The following ELMO1 variants were observed in gnomAD, a reference collection of about 807,000 sequenced individuals.
The protein encoded by ELMO1 is engulfment and cell motility 1, also known as engulfment and cell motility protein 1.
Under a neutral mutation model 98.9 loss-of-function variants are expected in ELMO1, and 26 were observed. That is an observed-to-expected ratio of 0.26 (90% CI 0.19 to 0.36). The LOEUF (loss-of-function observed/expected upper bound fraction) is 0.36, where lower values mean the gene tolerates loss of function less well. ELMO1 is among the 10% of genes least tolerant of loss of function. ELMO1 has a pLI of 1.00. For missense variants in ELMO1, 627 were observed against 935.2 expected (o/e 0.67, Z 4.30); for synonymous variants, 346 against 346.0 (o/e 1.00, Z 0.00).
chr7:36,875,912 G>A (rs907728805), intron 19 of ELMO1, among the ~76,000 whole-genome samples: 5 of 152,186 alleles, frequency 3.3e-5, no homozygotes, highest in Non-Finnish European at 5.9e-5. Flanking sequence ...TCTTTGGGTT[G>A]AGAAGTGATT....
chr7:37,170,908 A>G (rs868439142), intron 13 of ELMO1, among the ~76,000 whole-genome samples: 4 of 151,922 alleles, frequency 2.6e-5, no homozygotes, highest in Non-Finnish European at 4.4e-5. Context: ...GCCTGGCTGA[A>G]CTTTCATTTT....
chr7:37,413,110 G>A (rs955412463), intron 1 of ELMO1, among the ~76,000 whole-genome samples: 1 of 150,764 alleles, frequency 6.6e-6, no homozygotes. Context: ...TCACTAATAG[G>A]AGACATAACT....
intron 1 of ELMO1, among the ~76,000 whole-genome samples, chr7:37,345,712 G>A (rs1220083476): frequency 4.0e-5 from 6 of 150,662 alleles, no homozygotes; most frequent in African/African-American, 9.8e-5. Context: ...GTCTCAAGCC[G>A]GGTGTGGTGG....
intron 8 of ELMO1, among the ~76,000 whole-genome samples, chr7:37,227,784 C>T (rs972021219): frequency 5.3e-5 from 8 of 152,160 alleles, no homozygotes; most frequent in Admixed American, 5.2e-4. Context: ...TGGGCTTGCT[C>T]AATGGTGGTA....
chr7:37,400,585 C>T (rs1803484775), intron 1 of ELMO1, among the ~76,000 whole-genome samples: 1 of 152,148 alleles, frequency 6.6e-6, no homozygotes, highest in Admixed American at 6.5e-5. Context: ...TCTGAAAAGT[C>T]CACAAATTTC....
chr7:37,025,616 T>G (rs1361941882), intron 15 of ELMO1, among the ~76,000 whole-genome samples: 2 of 150,710 alleles, frequency 1.3e-5, no homozygotes, highest in African/African-American at 2.4e-5. Flanking sequence ...AGCTGGGACA[T>G]CTCGTCTCAT....
intron 15 of ELMO1, among the ~76,000 whole-genome samples, chr7:37,081,026 T>C (rs1339019249): frequency 6.6e-6 from 1 of 152,158 alleles, no homozygotes; most frequent in African/African-American, 2.4e-5. Flanking sequence ...ATGACATACT[T>C]CTTTATCTGT....
chr7:37,244,693 C>T (rs931401586), intron 6 of ELMO1, among the ~76,000 whole-genome samples: 9 of 152,022 alleles, frequency 5.9e-5, no homozygotes, highest in African/African-American at 1.9e-4. Context: ...TTCAATGGAG[C>T]GGGGTGGGGT....
intron 16 of ELMO1, among the ~76,000 whole-genome samples, chr7:36,996,557 G>A (rs569726380): frequency 6.6e-6 from 1 of 152,232 alleles, no homozygotes; most frequent in East Asian, 1.9e-4. Flanking sequence ...ATTGCCTCAA[G>A]GTAGCCATGA....
At chr7:36,953,562 A>G (rs1788175476) in intron 16 of ELMO1, among the ~76,000 whole-genome samples, 1 of 152,244 alleles carries the variant, frequency 6.6e-6, no homozygotes, top group Non-Finnish European at 1.5e-5. Context: ...CATGGTTGTA[A>G]TATAATATTG....
In ELMO1 at chr7:36,853,359, G is replaced by A. The variant is rs1801982032; in HGVS notation, c.*2192C>T. Among the ~76,000 whole-genome samples the A allele has an allele frequency of 6.6e-6, 1 of 152,302 alleles. No homozygotes were observed. The highest frequency in any genetic ancestry group is 1.5e-5 in the Non-Finnish European group (1 of 68,024). ...AGGACAGATACATTTCTTAAACCCA[G>A]TGTCTCAGGACCTCAGAGATCCTGG... is the stretch of plus-strand genomic sequence containing the variant. On this transcript the variant is annotated 3_prime_UTR_variant, in exon 22 of 22. Transcript: ENST00000310758.
At chr7:37,121,518 G>A (rs910959877) in intron 14 of ELMO1, among the ~76,000 whole-genome samples, 3 of 152,106 alleles carry the variant, frequency 2.0e-5, no homozygotes, top group Non-Finnish European at 4.4e-5. Context: ...TGGAAGAAAG[G>A]GTATCAGCGA....
intron 12 of ELMO1, among the ~76,000 whole-genome samples, chr7:37,211,722 G>A (rs1384023315): frequency 6.6e-6 from 1 of 152,186 alleles, no homozygotes; most frequent in Non-Finnish European, 1.5e-5. Context: ...GTCAGGCCTG[G>A]CTGTATTCCA....
rs367749425 is a variant in ELMO1 at position 36,861,663 on chromosome 7, T to C, written c.1979A>G (p.His660Arg). Reference sequence around the variant, plus strand: ...TATCACCCCCGAGACCCTTACCTCATGCTTGTCAGGAGCGATGAAGTTCAG... The same window carrying C: ...TATCACCCCCGAGACCCTTACCTCACGCTTGTCAGGAGCGATGAAGTTCAG... ...CQLNFIAPDKHEYCIWTDGLN... is the reference protein window; with the variant it reads ...CQLNFIAPDKREYCIWTDGLN... The change falls in exon 21 of 22, where the codon CAT becomes CGT. Residue 660 changes from histidine (H) to arginine (R), a missense_variant. Physicochemically the swap from His to Arg is conservative, Grantham distance 29 (BLOSUM62 0). Transcript: ENST00000310758. 8.1e-6 allele frequency: 13 copies of C among 1,612,554 alleles called. No homozygotes were observed. The highest frequency in any genetic ancestry group is 2.2e-5 in the South Asian group (2 of 91,012).
At chr7:36,977,565 T>G (rs1344509014) in intron 16 of ELMO1, among the ~76,000 whole-genome samples, 1 of 152,258 alleles carries the variant, frequency 6.6e-6, no homozygotes, top group Non-Finnish European at 1.5e-5. Context: ...AAATTCTTTC[T>G]CCTTAACGGT....
At chr7:37,360,433 A>T (rs1801658651) in intron 1 of ELMO1, among the ~76,000 whole-genome samples, 1 of 152,106 alleles carries the variant, frequency 6.6e-6, no homozygotes, top group African/African-American at 2.4e-5. Flanking sequence ...TTTAAAAAAA[A>T]AAAAAAACAC....
At chr7:37,357,811 T>A (rs373032523) in intron 1 of ELMO1, among the ~76,000 whole-genome samples, 2 of 152,366 alleles carry the variant, frequency 1.3e-5, no homozygotes, top group South Asian at 4.1e-4. Context: ...AGCATGGCCA[T>A]ACGGCCATAC....
chr7:37,166,496 A>C lies in ELMO1; in HGVS notation c.1087-33262T>G, dbSNP rs371138537. Reference sequence around the variant, plus strand: ...ATTTAGTGCTATAAATTTCCCTCTAAACACTGCTTTGAATGTGTCCCAGAG... The same window carrying C: ...ATTTAGTGCTATAAATTTCCCTCTACACACTGCTTTGAATGTGTCCCAGAG... On this transcript the variant is annotated intron_variant, in intron 13 of 21. Coordinates refer to ENST00000310758, the MANE Select transcript of ELMO1 (RefSeq NM_014800.11). 7.4e-4 allele frequency among the ~76,000 whole-genome samples: 113 copies of C among 152,046 alleles called. No homozygotes were observed. The Middle Eastern group carries it at 0.017, about 23-fold the overall frequency.
intron 1 of ELMO1, among the ~76,000 whole-genome samples, chr7:37,440,774 A>AC (rs902651269): frequency 1.3e-5 from 2 of 151,740 alleles, no homozygotes; most frequent in African/African-American, 4.8e-5. Context: ...ATCTCAAAAA[A>AC]AAAAAAAAAT....
Sources: gnomAD v4.1 joint callset for allele counts (sites outside exome capture counted in the v4.1 genomes callset) on GRCh38, gnomAD v4.1.1 for gene constraint, MANE v1.5 for transcripts, NCBI Gene and HGNC (gene_info 2026-07-23, HGNC 2026-07-21) for gene names.